The following AP3B1 variants were observed in gnomAD, a reference collection of about 807,000 sequenced individuals.
AP3B1 encodes AP-3 complex subunit beta-1.
Under a neutral mutation model 132.5 loss-of-function variants are expected in AP3B1, and 61 were observed. The ratio of observed to expected loss-of-function variants is 0.46; its 90% confidence interval spans 0.37 to 0.57. AP3B1 has a LOEUF of 0.57. Ranked by LOEUF, AP3B1 falls within the 20% of genes least tolerant of loss-of-function variation. The pLI is 0.00. For synonymous variants in AP3B1, 388 were observed against 438.3 expected, an observed-to-expected ratio of 0.89 and a Z score of 1.43; for missense variants, 1,120 against 1,289.4, an observed-to-expected ratio of 0.87 and a Z score of 2.01.
At chr5:78,239,936 T>C (rs933843770) in intron 3 of AP3B1, among the ~76,000 whole-genome samples, 2 of 152,192 alleles carry the variant, frequency 1.3e-5, no homozygotes, top group African/African-American at 4.8e-5. Context: ...AAGAATACTT[T>C]GAACATTTAA....
chr5:78,080,718 G>A (rs183642851), intron 22 of AP3B1, among the ~76,000 whole-genome samples: 35 of 137,190 alleles, frequency 2.6e-4, no homozygotes, highest in Admixed American at 1.9e-3. Flanking sequence ...TTAAAAATAA[G>A]CTTCCTGTTT....
chr5:78,033,966 A>G (rs1468203382), intron 24 of AP3B1, among the ~76,000 whole-genome samples: 1 of 151,994 alleles, frequency 6.6e-6, no homozygotes, highest in Non-Finnish European at 1.5e-5. Context: ...ACATGTATGT[A>G]TATCTCAAAA....
intron 6 of AP3B1, among the ~76,000 whole-genome samples, chr5:78,223,526 C>T (rs772960273): frequency 6.6e-6 from 1 of 151,976 alleles, no homozygotes; most frequent in Admixed American, 6.6e-5. Context: ...ATATTAAATA[C>T]CTGTGATGAA....
intron 7 of AP3B1, among the ~76,000 whole-genome samples, chr5:78,201,626 T>C (rs910948773): frequency 6.6e-5 from 10 of 152,198 alleles, no homozygotes; most frequent in African/African-American, 2.4e-4. Flanking sequence ...ATCTTTGTTA[T>C]CAGTAAACAA....
Position 78,238,306 on chromosome 5 carries a change from A to G in AP3B1, c.279+2556T>C, listed in dbSNP as rs1307961725. On this transcript the variant is annotated intron_variant, in intron 3 of 26. Coordinates refer to ENST00000255194, the MANE Select transcript of AP3B1 (RefSeq NM_003664.5). Reference sequence around the variant, plus strand: ...CCAGATGGGACCATCTAGTTGTAAGAAAACAAGCTCAGGGCTCCCACTGAT... The same window carrying G: ...CCAGATGGGACCATCTAGTTGTAAGGAAACAAGCTCAGGGCTCCCACTGAT... Among the ~76,000 whole-genome samples, 3 of 152,232 alleles carry G rather than the reference A, an allele frequency of 2.0e-5. No homozygotes were observed. In the East Asian group the frequency reaches 5.8e-4, roughly 29 times the overall value.
intron 22 of AP3B1, among the ~76,000 whole-genome samples, chr5:78,060,595 C>T (rs946083082): frequency 7.9e-5 from 12 of 152,124 alleles, no homozygotes; most frequent in Non-Finnish European, 1.6e-4. Flanking sequence ...TCCACTGCAG[C>T]CCGACTCATA....
Position 78,228,148 on chromosome 5 carries a change from A to G in AP3B1, c.371T>C (p.Leu124Pro). The part of the protein sequence containing the change: ...LLSISTFQRA[L>P]KDPNQLIRAS... ...CCTACTCACTCCATTATTTACCTTCAGAGCTCGCTGAAAAGTGCTTATGGA... is the reference window on the plus strand; with the variant it reads ...CCTACTCACTCCATTATTTACCTTCGGAGCTCGCTGAAAAGTGCTTATGGA... Residue 124 changes from leucine to proline, a missense_variant, in exon 4 of 27, where the codon CTG becomes CCG. By Grantham distance (98) the Leu-to-Pro change is moderately conservative. Coordinates refer to ENST00000255194, the MANE Select transcript of AP3B1 (RefSeq NM_003664.5). 1 of 1,600,308 alleles carries G rather than the reference A, an allele frequency of 6.2e-7. No individual in the cohort carries two copies. The highest frequency in any genetic ancestry group is 8.5e-7 in the Non-Finnish European group (1 of 1,173,564).
chr5:78,185,345 T>TA (rs1323065102), intron 7 of AP3B1, among the ~76,000 whole-genome samples: 3 of 152,204 alleles, frequency 2.0e-5, no homozygotes, highest in Non-Finnish European at 2.9e-5. Context: ...GTCTTTTAAA[T>TA]TATATTAGAT....
At chr5:78,137,296 T>G (rs1486910273) in intron 15 of AP3B1, among the ~76,000 whole-genome samples, 1 of 152,148 alleles carries the variant, frequency 6.6e-6, no homozygotes, top group African/African-American at 2.4e-5. Context: ...CTTGGTTCTT[T>G]AATTCCTAGC....
intron 20 of AP3B1, among the ~76,000 whole-genome samples, chr5:78,107,394 C>T (rs1228362491): frequency 6.6e-6 from 1 of 152,216 alleles, no homozygotes; most frequent in African/African-American, 2.4e-5. Flanking sequence ...TCTAAACTCA[C>T]TCTCACTCAT....
chr5:78,126,989 G>A (rs1348577944), intron 17 of AP3B1, among the ~76,000 whole-genome samples: 5 of 152,118 alleles, frequency 3.3e-5, no homozygotes, highest in East Asian at 1.9e-4. Context: ...CATTATCATC[G>A]TACACTGTCA....
At chr5:78,185,217 G>T (rs1744553575) in intron 7 of AP3B1, among the ~76,000 whole-genome samples, 1 of 152,182 alleles carries the variant, frequency 6.6e-6, no homozygotes, top group East Asian at 1.9e-4. Context: ...ATGGCTAAAG[G>T]AAGCTCTTTA....
intron 1 of AP3B1, among the ~76,000 whole-genome samples, chr5:78,279,909 T>TATATATATATGACTTAA (rs1387959532): frequency 1.4e-3 from 200 of 141,344 alleles, no homozygotes; most frequent in Non-Finnish European, 2.4e-3. Flanking sequence ...ATGACTTAAA[T>TATATATATATGACTTAA]ATATATATAT....
At chr5:78,248,264 G>A (rs1251897020) in intron 2 of AP3B1, among the ~76,000 whole-genome samples, 1 of 152,034 alleles carries the variant, frequency 6.6e-6, no homozygotes, top group East Asian at 1.9e-4. Context: ...GGCTGAGGCA[G>A]GCAGATCACA....
intron 1 of AP3B1, among the ~76,000 whole-genome samples, chr5:78,275,331 C>A (rs986317393): frequency 2.0e-5 from 3 of 152,180 alleles, no homozygotes; most frequent in Non-Finnish European, 4.4e-5. Context: ...AGCTGAAGAT[C>A]TGCTGCCTGG....
intron 15 of AP3B1, among the ~76,000 whole-genome samples, chr5:78,133,331 TAC>T (rs1447919559): frequency 6.6e-6 from 1 of 152,226 alleles, no homozygotes; most frequent in African/African-American, 2.4e-5. Flanking sequence ...GGGAAAAAGA[TAC>T]AGTCTTTCAG....
chr5:78,196,478 TA>T (rs1427413009), intron 7 of AP3B1, among the ~76,000 whole-genome samples: 24 of 152,134 alleles, frequency 1.6e-4, no homozygotes, highest in African/African-American at 5.6e-4. Flanking sequence ...CTTACCAAAG[TA>T]AACATACTCT....
chr5:78,003,383 A>G (rs1222783277), intron 26 of AP3B1: 1 of 320,802 alleles, frequency 3.1e-6, no homozygotes, highest in Non-Finnish European at 4.5e-6. Flanking sequence ...CTTGGTATTT[A>G]ACATTTCACC....
At chr5:78,232,270 G>A (rs1052636999) in intron 3 of AP3B1, among the ~76,000 whole-genome samples, 1 of 152,118 alleles carries the variant, frequency 6.6e-6, no homozygotes, top group Non-Finnish European at 1.5e-5. Flanking sequence ...TAAAGCCTTG[G>A]CAACATGTAG....
Sources: allele counts gnomAD v4.1 joint callset (sites outside exome capture counted in the v4.1 genomes callset), GRCh38; gene constraint gnomAD v4.1.1; transcripts MANE v1.5; gene names NCBI Gene and HGNC (gene_info 2026-07-23, HGNC 2026-07-21).